Variants in TEX101 observed in about 807,000 individuals in gnomAD.
TEX101 encodes testis expressed 101.
Under a neutral mutation model 18.1 loss-of-function variants are expected in TEX101, and 10 were observed. That is an observed-to-expected ratio of 0.55 (90% CI 0.34 to 0.94). TEX101 has a LOEUF of 0.94. Among genes scored for constraint, TEX101 ranks in the 40% least tolerant of loss-of-function variants. The probability of loss-of-function intolerance (pLI) is 0.02; values close to 1 mark genes in which losing one functional copy is unlikely to be tolerated. For missense variants in TEX101, 259 were observed against 298.9 expected (o/e 0.87, Z 0.98); for synonymous variants, 94 against 114.8 (o/e 0.82, Z 1.16).
the TEX101 span, among the ~76,000 whole-genome samples, chr19:43,389,022 C>T: frequency 1.3e-5 from 2 of 152,124 alleles, no homozygotes; most frequent in South Asian, 2.1e-4. Flanking sequence ...ATCGTAGCTT[C>T]CCTCCCTTCC....
chr19:43,392,535 C>G, the TEX101 span, among the ~76,000 whole-genome samples: 11 of 151,968 alleles, frequency 7.2e-5, no homozygotes, highest in South Asian at 2.1e-4. Flanking sequence ...CACAGAGACA[C>G]AAGGAAAACA....
chr19:43,402,968 A>T (rs1970331268), intron 2 of TEX101: 1 of 152,122 alleles, frequency 6.6e-6, no homozygotes, highest in Admixed American at 6.5e-5. Context: ...TCAATTCTTA[A>T]CCCCTTAAAA....
intron 4 of TEX101, 89 bp from the exon 5 acceptor site, chr19:43,417,789 C>T (rs1210842984): frequency 1.0e-5 from 16 of 1,547,664 alleles, no homozygotes; most frequent in Non-Finnish European, 1.4e-5. Flanking sequence ...GTGGCATCTG[C>T]AGGAAAATCT....
intron 1 of TEX101, among the ~76,000 whole-genome samples, chr19:43,415,300 G>A (rs1241540840): frequency 6.6e-6 from 1 of 152,038 alleles, no homozygotes. Context: ...AGGGAGAAGC[G>A]GCCTTCAGGG....
rs141261739 is a variant in TEX101, at chr19:43,406,595, C to G, written c.15+76C>G. The G allele has an allele frequency of 8.5e-4, 516 of 607,930 alleles. 3 individuals are homozygous for G. Among genetic ancestry groups the G allele is most frequent in the African/African-American group, 5.6e-3 (293 of 52,380 alleles). 37.7% of individuals were successfully genotyped at this position (607,930 alleles called of 1,614,324 possible). A position where few individuals can be genotyped will look rare whatever the true frequency, so the allele number is the denominator to read the frequency against. Reference sequence around the variant, plus strand: ...TCACTAACCTGGTGGGGGAGTCGGGCGCGAGTTTCGAGAGAGACTCTGGCT... The same window carrying G: ...TCACTAACCTGGTGGGGGAGTCGGGGGCGAGTTTCGAGAGAGACTCTGGCT... On this transcript the variant is annotated intron_variant, in intron 3 of 7. Transcript: ENST00000602198.
At chr19:43,414,867 A>G (rs537535582), upstream of TEX101, 3 of 985,448 alleles carry the variant, frequency 3.0e-6, no homozygotes, top group African/African-American at 5.2e-5. Flanking sequence ...CTGTGTGGCC[A>G]GGCTGGCCCG....
upstream of TEX101, among the ~76,000 whole-genome samples, chr19:43,397,543 A>C (rs1321579924): frequency 6.6e-6 from 1 of 150,798 alleles, no homozygotes; most frequent in Non-Finnish European, 1.5e-5. Flanking sequence ...TCCTCTCCTT[A>C]TATTCAAGTT....
chr19:43,416,305 T>C, intron 3 of TEX101, 63 bp downstream of exon 3: 5 of 1,586,046 alleles, frequency 3.2e-6, no homozygotes, highest in Non-Finnish European at 4.3e-6. Flanking sequence ...ATGCCAATGC[T>C]TGTTCCCTTC....
At chr19:43,408,780 G>C (rs1416360443) in intron 3 of TEX101, among the ~76,000 whole-genome samples, 1 of 152,140 alleles carries the variant, frequency 6.6e-6, no homozygotes, top group East Asian at 1.9e-4. Context: ...AGTCAGACCA[G>C]ACTCTTCCCA....
rs765008387 is a variant in TEX101, at chr19:43,416,418, G to C, written c.254G>C (p.Gly85Ala). 72 of 1,614,060 alleles carry C rather than the reference G, an allele frequency of 4.5e-5. No homozygotes were observed. The East Asian group carries it at 1.6e-3, about 36-fold the overall frequency. The stretch of plus-strand genomic sequence containing the variant: ...GCCACGAAGGGCTGCATCCCGGAAG[G>C]GGAGGAGGCCATAACAATTGTCCAG... ...ILATKGCIPE[G>A]EEAITIVQHS... is the part of the protein sequence containing the mutation. Residue 85 changes from glycine (G) to alanine (A), a missense_variant, in exon 4 of 6, where the codon GGG (glycine) becomes GCG (alanine). Transcript: ENST00000598265.
chr19:43,389,917 C>A, the TEX101 span, among the ~76,000 whole-genome samples: 3 of 152,154 alleles, frequency 2.0e-5, no homozygotes, highest in African/African-American at 7.2e-5. Flanking sequence ...CTCCCCGGGT[C>A]TCCCTGTCTC....
chr19:43,414,163 G>A (rs1365704344), upstream of TEX101, among the ~76,000 whole-genome samples: 2 of 150,292 alleles, frequency 1.3e-5, no homozygotes, highest in Non-Finnish European at 3.0e-5. Context: ...GGGGAGGGGA[G>A]GGAAGGGAAG....
upstream of TEX101, among the ~76,000 whole-genome samples, chr19:43,399,267 T>A (rs1970299572): frequency 6.6e-6 from 1 of 152,210 alleles, no homozygotes; most frequent in Admixed American, 6.5e-5. Flanking sequence ...TATATCAAGT[T>A]GCAATAGTTA....
chr19:43,416,351 C>T (rs1186333951), intron 3 of TEX101, 22 bp from the exon 4 acceptor site: 2 of 1,603,480 alleles, frequency 1.2e-6, no homozygotes, highest in South Asian at 1.1e-5. Flanking sequence ...ATCCATTTCC[C>T]CTCCTTCCTG....
rs748827611 is a variant in TEX101 at position 43,417,945 on chromosome 19, T to G, written c.459T>G (p.Pro153=). ...CTTTGGGGACCTGTTTCAGTGCTCC[T>G]TCTCTTCCCTGTCCCAATGGTACAA... ...CVALGTCFSA[P]SLPCPNGTTR... Residue 153 remains proline (P), a synonymous_variant, in exon 5 of 6, where the codon CCT becomes CCG. Coordinates refer to ENST00000598265, the MANE Select transcript of TEX101 (RefSeq NM_001130011.3). The G allele has an allele frequency of 1.9e-6, 3 of 1,614,088 alleles. No individual in the cohort carries two copies. In the East Asian group the frequency reaches 6.7e-5, roughly 36 times the overall value.
chr19:43,405,459 T>C (rs560300396), intron 2 of TEX101, among the ~76,000 whole-genome samples: 1 of 141,434 alleles, frequency 7.1e-6, no homozygotes, highest in Admixed American at 7.8e-5. Context: ...ATCTCTGTAA[T>C]CCCAGGTACT....
At chr19:43,408,934 C>T (rs1306569009) in intron 3 of TEX101, among the ~76,000 whole-genome samples, 2 of 152,222 alleles carry the variant, frequency 1.3e-5, no homozygotes, top group Admixed American at 1.3e-4. Context: ...CCCGTGGAGG[C>T]CTGGTGCTAC....
the TEX101 span, among the ~76,000 whole-genome samples, chr19:43,388,741 TTC>T: frequency 7.2e-5 from 11 of 152,216 alleles, no homozygotes; most frequent in Admixed American, 6.5e-4. Context: ...TGGGATTTCT[TTC>T]TGTCTTTGTC....
At chr19:43,401,727 C>T (rs977843310) in intron 1 of TEX101, among the ~76,000 whole-genome samples, 2 of 152,108 alleles carry the variant, frequency 1.3e-5, no homozygotes, top group African/African-American at 2.4e-5. Flanking sequence ...GTAGCAAATG[C>T]CTGTAATCCC....
Sources: gnomAD v4.1 joint callset for allele counts (sites outside exome capture counted in the v4.1 genomes callset) on GRCh38, gnomAD v4.1.1 for gene constraint, MANE v1.5 for transcripts, NCBI Gene and HGNC (gene_info 2026-07-23, HGNC 2026-07-21) for gene names.